Variants in NAV3 observed in about 807,000 individuals in gnomAD.
The protein encoded by NAV3 is neuron navigator 3.
A neutral mutation model predicts 244.7 loss-of-function variants in NAV3; 87 were observed. The observed-to-expected ratio is 0.36, with a 90% CI of 0.30 to 0.42. The LOEUF is 0.42. NAV3 is among the 20% of genes least tolerant of loss of function. The pLI, the probability that NAV3 is intolerant of heterozygous loss-of-function variation, is 1.00. For missense variants in NAV3, 2,663 were observed against 2,893.3 expected (o/e 0.92, Z 1.83); for synonymous variants, 1,126 against 1,042.2 (o/e 1.08, Z -1.55).
At chr12:77,810,738 C>T (rs1872248196) in intron 2 of NAV3, among the ~76,000 whole-genome samples, 1 of 152,156 alleles carries the variant, frequency 6.6e-6, no homozygotes, top group South Asian at 2.1e-4. Context: ...TAAGCCTCTT[C>T]ATTCAATACT....
chr12:78,210,276 AT>A (rs1331302090), intron 39 of NAV3, 121 bp from the exon 40 acceptor site: 1 of 1,446,936 alleles, frequency 6.9e-7, no homozygotes, highest in East Asian at 2.3e-5. Flanking sequence ...ATCTAAAATT[AT>A]TTTCCCCTGT....
intron 3 of NAV3, among the ~76,000 whole-genome samples, chr12:77,943,807 G>C (rs1227711920): frequency 6.6e-6 from 1 of 152,142 alleles, no homozygotes; most frequent in East Asian, 1.9e-4. Flanking sequence ...AATAACAAAA[G>C]ATAAAGTAAA....
At chr12:77,909,680 G>A (rs1479964574) in intron 1 of NAV3, among the ~76,000 whole-genome samples, 3 of 151,972 alleles carry the variant, frequency 2.0e-5, no homozygotes, top group African/African-American at 7.2e-5. Flanking sequence ...TGGAAATAGA[G>A]AATTTAATTT....
intron 22 of NAV3, among the ~76,000 whole-genome samples, chr12:78,150,973 C>G (rs1297167948): frequency 6.6e-6 from 1 of 151,748 alleles, no homozygotes; most frequent in East Asian, 1.9e-4. Context: ...ACTGAACATC[C>G]AGCATATCTG....
chr12:77,792,451 T>C (rs1871222261), intron 2 of NAV3, among the ~76,000 whole-genome samples: 1 of 152,200 alleles, frequency 6.6e-6, no homozygotes, highest in African/African-American at 2.4e-5. Flanking sequence ...TATGTGTCAC[T>C]CAGACCACAA....
intron 2 of NAV3, among the ~76,000 whole-genome samples, chr12:77,794,440 C>T (rs1457773937): frequency 6.6e-6 from 1 of 152,162 alleles, no homozygotes; most frequent in African/African-American, 2.4e-5. Context: ...TAGTCAAGAT[C>T]CCAGTCAACT....
At position 78,197,399 on chromosome 12, in the gene NAV3, A is replaced by G. The variant is rs768095498; in HGVS notation, c.6444A>G (p.Lys2148=). ...FNGFLNCKYN[K]CPYIIGTMNQ... is the part of the protein sequence containing the mutation. ...GTTTTCTCAATTGTAAATACAACAA[A>G]TGGTATGCTTATCAAATATTCTGAA... Residue 2148 remains lysine, a splice_region_variant and synonymous_variant, in exon 35 of 40, where the codon AAA becomes AAG. Coordinates refer to ENST00000397909, the MANE Select transcript of NAV3 (RefSeq NM_001024383.2). The G allele has an allele frequency of 6.3e-6, 10 of 1,588,020 alleles. No homozygotes were observed. The highest frequency in any genetic ancestry group is 8.6e-6 in the Non-Finnish European group (10 of 1,165,892).
chr12:77,794,397 C>G (rs376607417), intron 2 of NAV3, among the ~76,000 whole-genome samples: 15 of 152,240 alleles, frequency 9.9e-5, no homozygotes, highest in African/African-American at 3.4e-4. Flanking sequence ...TATACTAAGT[C>G]ATTTTCAAGA....
intron 2 of NAV3, among the ~76,000 whole-genome samples, chr12:77,622,617 C>G (rs934360181): frequency 1.4e-5 from 2 of 137,958 alleles, no homozygotes; most frequent in Non-Finnish European, 3.0e-5. Context: ...AGACAGGAGA[C>G]TTAAGCTAGT....
chr12:77,612,249 G>T (rs1870950052), intron 2 of NAV3, among the ~76,000 whole-genome samples: 1 of 152,080 alleles, frequency 6.6e-6, no homozygotes, highest in Non-Finnish European at 1.5e-5. Flanking sequence ...GACCCTACTT[G>T]TGGAAGAATC....
At chr12:77,814,751 A>G (rs1872461463) in intron 2 of NAV3, among the ~76,000 whole-genome samples, 1 of 152,172 alleles carries the variant, frequency 6.6e-6, no homozygotes, top group Non-Finnish European at 1.5e-5. Flanking sequence ...GGATGTGCCA[A>G]CTTTAAACCA....
intron 15 of NAV3, among the ~76,000 whole-genome samples, chr12:78,121,538 C>T (rs1955668912): frequency 6.6e-6 from 1 of 152,008 alleles, no homozygotes; most frequent in Non-Finnish European, 1.5e-5. Flanking sequence ...AAGAGAAGAG[C>T]TCATTTAAGT....
intron 29 of NAV3, among the ~76,000 whole-genome samples, chr12:78,180,066 A>G (rs11108638): frequency 0.47 from 70,946 of 151,976 alleles, 17,490 homozygotes; most frequent in East Asian, 0.77. Context: ...CCAGTTTTCT[A>G]CTGAAATACA....
intron 9 of NAV3, chr12:78,037,405 T>TA: frequency 1.5e-6 from 1 of 683,182 alleles, no homozygotes; most frequent in South Asian, 1.5e-5. Flanking sequence ...AATTTGCTCC[T>TA]AAAAACGTGT....
intron 1 of NAV3, among the ~76,000 whole-genome samples, chr12:77,901,683 G>C (rs1008503725): frequency 2.0e-5 from 3 of 152,118 alleles, no homozygotes; most frequent in African/African-American, 7.2e-5. Flanking sequence ...GCCAGCCTGG[G>C]CAACAGGGTG....
chr12:77,756,643 T>G (rs1869194444), intron 2 of NAV3, among the ~76,000 whole-genome samples: 1 of 152,198 alleles, frequency 6.6e-6, no homozygotes, highest in South Asian at 2.1e-4. Flanking sequence ...GACTTTCTTT[T>G]GAGATGGAAT....
intron 2 of NAV3, among the ~76,000 whole-genome samples, chr12:77,630,858 G>C (rs1871862919): frequency 6.6e-6 from 1 of 152,120 alleles, no homozygotes; most frequent in South Asian, 2.1e-4. Flanking sequence ...TGAACAACTT[G>C]CTGCTCATTA....
intron 12 of NAV3, among the ~76,000 whole-genome samples, chr12:78,107,512 T>A (rs1954862643): frequency 3.3e-5 from 5 of 151,990 alleles, no homozygotes; most frequent in Admixed American, 3.3e-4. Flanking sequence ...AAGTGTATGA[T>A]AACCTATGAA....
chr12:78,023,202 T>A (rs368762307), intron 9 of NAV3, among the ~76,000 whole-genome samples: 1 of 152,224 alleles, frequency 6.6e-6, no homozygotes, highest in African/African-American at 2.4e-5. Flanking sequence ...TTAGTAGAGT[T>A]TGAATTGCAA....
Sources: gnomAD v4.1 joint callset for allele counts (sites outside exome capture counted in the v4.1 genomes callset) on GRCh38, gnomAD v4.1.1 for gene constraint, MANE v1.5 for transcripts, NCBI Gene and HGNC (gene_info 2026-07-23, HGNC 2026-07-21) for gene names.